PPBP: variants seen among roughly 807,000 people sequenced by gnomAD.
PPBP encodes platelet basic protein.
PPBP carries 8 observed loss-of-function variants against 8.3 expected under a neutral mutation model. The ratio of observed to expected loss-of-function variants is 0.97; its 90% CI spans 0.57 to 1.75. The LOEUF (loss-of-function observed/expected upper bound fraction) is 1.75. Ranked by LOEUF, PPBP falls within the 40% of genes most tolerant of loss-of-function variation. The probability of loss-of-function intolerance (pLI) is 0.00; values close to 1 mark genes in which losing one functional copy is unlikely to be tolerated. For missense variants in PPBP, 169 were observed against 149.2 expected, an observed-to-expected ratio of 1.13 and a Z score of -0.69; for synonymous variants, 64 against 58.9, an observed-to-expected ratio of 1.09 and a Z score of -0.40.
rs985323062 is a variant in PPBP at position 73,987,068 on chromosome 4, G to A, written c.*204C>T. On this transcript the variant is annotated 3_prime_UTR_variant, in exon 3 of 3. Coordinates refer to ENST00000296028, the MANE Select transcript of PPBP (RefSeq NM_002704.3). ...GCAAGAATTAGAGGGTTGAAACCAG[G>A]CTTATTTATTTTCATCTTCTTTCTG... The A allele has an allele frequency of 1.9e-5, 11 of 587,814 alleles. No homozygotes were observed. Among genetic ancestry groups the A allele is most frequent in the Admixed American group, 6.3e-5 (2 of 31,824 alleles). The allele number at this position is 587,814 out of a possible 1,614,324, so 36.4% of individuals were successfully genotyped here.
Position 73,987,331 on chromosome 4 carries a change from C to T in PPBP, c.328G>A (p.Ala110Thr), listed in dbSNP as rs754931402. The T allele has an allele frequency of 6.2e-7, 1 of 1,614,010 alleles. No individual in the cohort carries two copies. The highest frequency in any genetic ancestry group is 2.2e-5 in the East Asian group (1 of 44,876). The change falls in exon 3 of 3, where the codon GCT (alanine) becomes ACT (threonine). Residue 110 changes from alanine to threonine, a missense_variant. Physicochemically the swap from Ala to Thr is moderately conservative, Grantham distance 58 (BLOSUM62 0). Coordinates refer to ENST00000296028, the MANE Select transcript of PPBP (RefSeq NM_002704.3). ...DGRKICLDPDAPRIKKIVQKK... is the reference protein window; with the variant it reads ...DGRKICLDPDTPRIKKIVQKK... ...TGTACAATTTTCTTGATTCTGGGAG[C>T]ATCTGGGTCCAGGCAGATTTTCCTC...
intron 1 of PPBP, 41 bp from the exon 2 acceptor site, chr4:73,987,693 T>G: frequency 2.7e-5 from 43 of 1,596,622 alleles, no homozygotes; most frequent in Non-Finnish European, 3.7e-5. Flanking sequence ...CATGAATATT[T>G]TCCTCAGGTC....
chr4:73,987,811 T>C, intron 1 of PPBP, 145 bp downstream of exon 1: 1 of 1,445,452 alleles, frequency 6.9e-7, no homozygotes, highest in Non-Finnish European at 9.6e-7. Context: ...ACACAAGAAG[T>C]GAGAAGTGAC....
Position 73,988,123 on chromosome 4 carries a change from G to A in PPBP, c.-20C>T, listed in dbSNP as rs760833832. On this transcript the variant is annotated 5_prime_UTR_variant, in exon 1 of 3. Coordinates refer to ENST00000296028, the MANE Select transcript of PPBP (RefSeq NM_002704.3). ...GCTCATGGTGGAGAAGGCTGAGCTA[G>A]AGTTGTTTCCAGAACCAGAAGACCT... The A allele has an allele frequency of 1.2e-6, 2 of 1,613,682 alleles. No individual in the cohort carries two copies. The highest frequency in any genetic ancestry group is 1.7e-6 in the Non-Finnish European group (2 of 1,179,744).
chr4:73,987,666 T>C lies in PPBP; in HGVS notation c.149-14A>G, dbSNP rs1325518650. On this transcript the variant is annotated splice_polypyrimidine_tract_variant and intron_variant, in intron 1 of 2. Transcript: ENST00000296028. Reference sequence around the variant, plus strand: ...CTAGACTTTCCTCTAGGGTAGAAAATGTGACCTATTGGTGGTCATGAATAT... The same window carrying C: ...CTAGACTTTCCTCTAGGGTAGAAAACGTGACCTATTGGTGGTCATGAATAT... 6.2e-7 allele frequency: 1 copy of C among 1,604,664 alleles called. No homozygotes were observed. Among genetic ancestry groups the C allele is most frequent in the South Asian group, 1.1e-5 (1 of 90,946 alleles).
intron 1 of PPBP, 53 bp downstream of exon 1, chr4:73,987,903 C>G: frequency 6.2e-7 from 1 of 1,612,168 alleles, no homozygotes; most frequent in East Asian, 2.2e-5. Context: ...GTCTTTACCC[C>G]AGAGACAGGT....
At position 73,988,189 on chromosome 4, in the gene PPBP, G is replaced by C; in HGVS notation, c.-86C>G. The C allele has an allele frequency of 2.0e-6, 3 of 1,487,758 alleles. No homozygotes were observed. The highest frequency in any genetic ancestry group is 2.8e-6 in the Non-Finnish European group (3 of 1,067,932). The allele number at this position is 1,487,758 out of a possible 1,614,324, so 92.2% of individuals were successfully genotyped here. A position where few individuals can be genotyped will look rare whatever the true frequency, so the allele number is the denominator to read the frequency against. ...TTGCTGCCTACAAGTCTGCAGATAAGTGGCTTCTCATGCCCTGAAGATGTC... is the reference window on the plus strand; with the variant it reads ...TTGCTGCCTACAAGTCTGCAGATAACTGGCTTCTCATGCCCTGAAGATGTC... On this transcript the variant is annotated 5_prime_UTR_variant, in exon 1 of 3. Transcript: ENST00000296028.
In PPBP at chr4:73,987,449, C is replaced by T. The variant is rs1426567753; in HGVS notation, c.284+68G>A. Reference sequence around the variant, plus strand: ...AACTAATCCATGAGACTGGAGGAAACGAGTGCATATGTGGATGGAGGTAGA... The same window carrying T: ...AACTAATCCATGAGACTGGAGGAAATGAGTGCATATGTGGATGGAGGTAGA... On this transcript the variant is annotated intron_variant, in intron 2 of 2. Coordinates refer to ENST00000296028, the MANE Select transcript of PPBP (RefSeq NM_002704.3). The T allele has an allele frequency of 2.4e-5, 38 of 1,607,570 alleles. 1 individual carries two copies. The highest frequency in any genetic ancestry group is 1.6e-4 in the Middle Eastern group (1 of 6,062).
In PPBP at chr4:73,987,043, G is replaced by A. The variant is rs1718985056; in HGVS notation, c.*229C>T. 1.9e-6 allele frequency: 1 copy of A among 537,070 alleles called. No individual in the cohort carries two copies. 33.3% of individuals were successfully genotyped at this position (537,070 alleles called of 1,614,324 possible). On this transcript the variant is annotated 3_prime_UTR_variant, in exon 3 of 3. Transcript: ENST00000296028. ...ATGCAAAGTACAGTCCAATGTTTAGGCAAGAATTAGAGGGTTGAAACCAGG... is the reference window on the plus strand; with the variant it reads ...ATGCAAAGTACAGTCCAATGTTTAGACAAGAATTAGAGGGTTGAAACCAGG...
intron 1 of PPBP, 96 bp downstream of exon 1, chr4:73,987,860 A>G: frequency 6.4e-7 from 1 of 1,554,952 alleles, no homozygotes; most frequent in Non-Finnish European, 8.8e-7. Context: ...TATTGGTATA[A>G]TGGCCCTCTC....
intron 1 of PPBP, 56 bp downstream of exon 1, chr4:73,987,900 C>A: frequency 1.9e-6 from 3 of 1,611,124 alleles, no homozygotes; most frequent in Non-Finnish European, 2.5e-6. Flanking sequence ...CTAGTCTTTA[C>A]CCCAGAGACA....
chr4:73,987,386 A>C lies in PPBP; in HGVS notation c.285-12T>G. 1 of 1,611,396 alleles carries C rather than the reference A, an allele frequency of 6.2e-7. No individual in the cohort carries two copies. The highest frequency in any genetic ancestry group is 8.5e-7 in the Non-Finnish European group (1 of 1,177,578). On this transcript the variant is annotated splice_polypyrimidine_tract_variant and intron_variant, in intron 2 of 2. Coordinates refer to ENST00000296028, the MANE Select transcript of PPBP (RefSeq NM_002704.3). Reference sequence around the variant, plus strand: ...CCTTCAGTGTGGCTCTGCAAAAGAGAACAGGGTTATCTGTGGGTGTCCTGA... The same window carrying C: ...CCTTCAGTGTGGCTCTGCAAAAGAGCACAGGGTTATCTGTGGGTGTCCTGA...
chr4:73,987,255 G>A lies in PPBP; in HGVS notation c.*17C>T, dbSNP rs200365607. 4.1e-4 allele frequency: 644 copies of A among 1,579,088 alleles called. 6 individuals carry two copies. The Middle Eastern group carries it at 0.015, about 37-fold the overall frequency. The stretch of plus-strand genomic sequence containing the variant: ...CCCTTCCTGGGAGTTAAAGAAGTTT[G>A]GCAGAAACAGAACAAATTAATCAGC... On this transcript the variant is annotated 3_prime_UTR_variant, in exon 3 of 3. Transcript: ENST00000296028.
Position 73,986,479 on chromosome 4 carries a change from A to G in PPBP, c.*793T>C, listed in dbSNP as rs1193772552. On this transcript the variant is annotated 3_prime_UTR_variant, in exon 3 of 3. Transcript: ENST00000296028. ...TATTTCATGTGAATATTTTTGTAAG[A>G]ATAGTGTGGGTATAAGTTTTAGGGT... 6.6e-6 allele frequency among the ~76,000 whole-genome samples: 1 copy of G among 152,172 alleles called. No individual in the cohort carries two copies. The highest frequency in any genetic ancestry group is 6.5e-5 in the Admixed American group (1 of 15,282).
chr4:73,987,890 C>T, intron 1 of PPBP, 66 bp downstream of exon 1: 1 of 1,605,662 alleles, frequency 6.2e-7, no homozygotes, highest in Non-Finnish European at 8.5e-7. Context: ...AGGCACCAAG[C>T]TAGTCTTTAC....
intron 1 of PPBP, 30 bp downstream of exon 1, chr4:73,987,926 G>C: frequency 6.2e-7 from 1 of 1,613,868 alleles, no homozygotes; most frequent in Non-Finnish European, 8.5e-7. Context: ...AGCAGAAGCA[G>C]CAACAAGTGC....
intron 1 of PPBP, 23 bp downstream of exon 1, chr4:73,987,933 G>T (rs1017037840): frequency 1.2e-6 from 2 of 1,613,904 alleles, no homozygotes; most frequent in Non-Finnish European, 1.7e-6. Flanking sequence ...GCAGCAACAA[G>T]TGCAGAGAAG....
chr4:73,987,526 A>T lies in PPBP; in HGVS notation c.275T>A (p.Val92Asp), dbSNP rs1339263170. 1.9e-6 allele frequency: 3 copies of T among 1,613,604 alleles called. No individual in the cohort carries two copies. Among genetic ancestry groups the T allele is most frequent in the Non-Finnish European group, 2.5e-6 (3 of 1,179,708 alleles). ...AGAAACAGCAACTTACATCACTTCGACTTGGTTGCAATGGGTTCCTTTCCC... is the reference window on the plus strand; with the variant it reads ...AGAAACAGCAACTTACATCACTTCGTCTTGGTTGCAATGGGTTCCTTTCCC... ...VIGKGTHCNQ[V>D]EVIATLKDGR... Residue 92 changes from valine (V) to aspartate (D), a missense_variant, in exon 2 of 3, where the codon GTC becomes GAC. Physicochemically the swap from Val to Asp is radical, Grantham distance 152. Coordinates refer to ENST00000296028, the MANE Select transcript of PPBP (RefSeq NM_002704.3).
At chr4:73,987,929 A>C (rs759944510) in intron 1 of PPBP, 27 bp downstream of exon 1, 14 of 1,613,890 alleles carry the variant, frequency 8.7e-6, no homozygotes, top group Non-Finnish European at 1.2e-5. Flanking sequence ...AGAAGCAGCA[A>C]CAAGTGCAGA....
Sources: gnomAD v4.1 joint callset for allele counts (sites outside exome capture counted in the v4.1 genomes callset) on GRCh38, gnomAD v4.1.1 for gene constraint, MANE v1.5 for transcripts, NCBI Gene and HGNC (gene_info 2026-07-23, HGNC 2026-07-21) for gene names.